Variants in WDR81 observed in about 807,000 individuals in gnomAD.
WDR81 encodes the protein WD repeat domain 81, also known as WD repeat-containing protein 81.
WDR81 carries 92 observed loss-of-function variants against 140.8 expected under a neutral mutation model. That is an observed-to-expected ratio of 0.65 (90% CI 0.55 to 0.78). The LOEUF (loss-of-function observed/expected upper bound fraction) is 0.78. WDR81 is among the 30% of genes least tolerant of loss of function. The pLI is 0.00. For synonymous variants in WDR81, 1,183 were observed against 1,156.4 expected (o/e 1.02, Z -0.47); for missense variants, 2,502 against 2,636.4 (o/e 0.95, Z 1.12).
At position 1,727,442 on chromosome 17, in the gene WDR81, TG is replaced by T. The variant is rs1384719415; in HGVS notation, c.2484del (p.Met828IlefsTer86). The T allele has an allele frequency of 1.9e-6, 3 of 1,550,404 alleles. No homozygotes were observed. The highest frequency in any genetic ancestry group is 2.6e-6 in the Non-Finnish European group (3 of 1,146,988). ...LQPVLDTLLQ[M>X]SGPEVPMGAE... The stretch of plus-strand genomic sequence containing the variant: ...CCCGTGCTGGACACACTCCTGCAGA[TG>T]AGTGGCCCCGAAGTCCCCATGGGAG... On this transcript the variant is annotated frameshift_variant, in exon 1 of 10. Transcript: ENST00000409644. LOFTEE classifies it high-confidence loss of function.
Position 1,735,814 on chromosome 17 carries a change from T to A in WDR81, c.5325+97T>A. On this transcript the variant is annotated intron_variant, in intron 8 of 9. Coordinates refer to ENST00000409644, the MANE Select transcript of WDR81 (RefSeq NM_001163809.2). The surrounding 1 kb of genome is among the most constrained non-coding windows in gnomAD (Gnocchi z 4.2). ...AAAACAGAAAGCCAGGATGTTGTTC[T>A]GGGGCCCTAGTTAGTTTCTCTTTGG... 1 of 1,487,882 alleles carries A rather than the reference T, an allele frequency of 6.7e-7. No homozygotes were observed. 92.2% of individuals were successfully genotyped at this position (1,487,882 alleles called of 1,614,324 possible).
chr17:1,718,120 T>A (rs965845871), intron 1 of WDR81, among the ~76,000 whole-genome samples: 8 of 152,204 alleles, frequency 5.3e-5, no homozygotes, highest in South Asian at 2.1e-4. Context: ...TATTTATTTT[T>A]TTTTTTTCTG....
At position 1,726,215 on chromosome 17, in the gene WDR81, T is replaced by C; in HGVS notation, c.1256T>C (p.Met419Thr). Residue 419 changes from methionine (M) to threonine (T), a missense_variant, in exon 1 of 10, where the codon ATG (methionine) becomes ACG (threonine). This residue lies in a region of WDR81 where 218 missense variants were observed against 279.6 expected (regional missense o/e 0.78). Coordinates refer to ENST00000409644, the MANE Select transcript of WDR81 (RefSeq NM_001163809.2). ...GDKQLDFTYEMTRQAFVAGGA... is the reference protein window; with the variant it reads ...GDKQLDFTYETTRQAFVAGGA... ...AAGCAACTGGACTTCACGTATGAGA[T>C]GACACGGCAGGCATTCGTAGCAGGC... 6.5e-7 allele frequency: 1 copy of C among 1,531,152 alleles called. No homozygotes were observed. The highest frequency in any genetic ancestry group is 2.5e-5 in the East Asian group (1 of 40,572). The allele number at this position is 1,531,152 out of a possible 1,614,324, so 94.8% of individuals were successfully genotyped here. A position where few individuals can be genotyped will look rare whatever the true frequency, so the allele number is the denominator to read the frequency against.
rs1380018665 is a variant in WDR81 at position 1,727,898 on chromosome 17, TCTACCTGTACACGGACTG to T, written c.2942_2959del (p.Tyr981_Cys986del). 1 of 1,550,670 alleles carries T rather than the reference TCTACCTGTACACGGACTG, an allele frequency of 6.4e-7. No homozygotes were observed. Among genetic ancestry groups the T allele is most frequent in the African/African-American group, 1.4e-5 (1 of 73,072 alleles). On this transcript the variant is annotated inframe_deletion, in exon 1 of 10. Coordinates refer to ENST00000409644, the MANE Select transcript of WDR81 (RefSeq NM_001163809.2). ...AGCCCCTGCCAGCTACACGGCCGCT[TCTACCTGTACACGGACTG>T]CTTTGTGGCCCAGCTGATGGTGCGG...
In WDR81 at chr17:1,735,439, A is replaced by G; in HGVS notation, c.5180-133A>G. The G allele has an allele frequency of 9.9e-7, 1 of 1,014,458 alleles. No individual in the cohort carries two copies. Among genetic ancestry groups the G allele is most frequent in the East Asian group, 3.0e-5 (1 of 33,506 alleles). The allele number at this position is 1,014,458 out of a possible 1,614,324, so 62.8% of individuals were successfully genotyped here. A position where few individuals can be genotyped will look rare whatever the true frequency, so the allele number is the denominator to read the frequency against. ...GCGAGACTCCATCTCAAAAAAAGAG[A>G]AACATCTTTAGCATTTTCTAAGGAT... is the stretch of plus-strand genomic sequence containing the variant. On this transcript the variant is annotated intron_variant, in intron 7 of 9. Coordinates refer to ENST00000409644, the MANE Select transcript of WDR81 (RefSeq NM_001163809.2). This position sits in a 1 kb window ranked among gnomAD's most constrained non-coding sequence, Gnocchi z 4.2.
Position 1,727,956 on chromosome 17 carries a change from A to T in WDR81, c.2997A>T (p.Ala999=), listed in dbSNP as rs1458338371. The T allele has an allele frequency of 5.2e-6, 8 of 1,550,216 alleles. No homozygotes were observed. In the East Asian group the frequency reaches 2.0e-4, roughly 38 times the overall value. Residue 999 remains alanine (A), a synonymous_variant, in exon 1 of 10, where the codon GCA becomes GCT. Coordinates refer to ENST00000409644, the MANE Select transcript of WDR81 (RefSeq NM_001163809.2). ...TGATGGTGCGGCTGGGCCTGCAGGC[A>T]TTTCTCACTCACCTGCTGCCCCATG... is the stretch of plus-strand genomic sequence containing the variant. ...AQLMVRLGLQ[A]FLTHLLPHVL...
At position 1,725,639 on chromosome 17, in the gene WDR81, C is replaced by T. The variant is rs1340847517; in HGVS notation, c.680C>T (p.Ser227Leu). ...SLLRAEALLE[S>L]PEMLYVVHPY... ...TTACGGGCTGAGGCCTTGCTGGAGT[C>T]GCCGGAGATGCTGTATGTGGTACAC... The change falls in exon 1 of 10, where the codon TCG becomes TTG. Residue 227 changes from serine to leucine, a missense_variant. By Grantham distance (145) the Ser-to-Leu change is moderately radical. Around this residue, in one of 3 missense-constraint regions of WDR81, gnomAD observed 547 missense variants for 513.8 expected, o/e 1.06. Coordinates refer to ENST00000409644, the MANE Select transcript of WDR81 (RefSeq NM_001163809.2). The T allele has an allele frequency of 6.5e-7, 1 of 1,545,552 alleles. No homozygotes were observed. The highest frequency in any genetic ancestry group is 8.7e-7 in the Non-Finnish European group (1 of 1,146,988).
chr17:1,721,981 G>C (rs1914888835), upstream of WDR81, among the ~76,000 whole-genome samples: 1 of 152,034 alleles, frequency 6.6e-6, no homozygotes, highest in East Asian at 1.9e-4. Flanking sequence ...AAATTAGCCG[G>C]GCATGGTGGC....
rs1394295155 is a variant in WDR81, at chr17:1,725,450, A to G, written c.491A>G (p.His164Arg). ...CACACTTACGGCCAGCCGTACAGTC[A>G]CAGCCCTGCCCCCTCAGCTGTCCCT... The part of the protein sequence containing the change: ...AYHTYGQPYS[H>R]SPAPSAVPAL... Residue 164 changes from histidine (H) to arginine (R), a missense_variant, in exon 1 of 10, where the codon CAC (histidine) becomes CGC (arginine). His to Arg is a conservative substitution (Grantham distance 29). Around this residue, in one of 3 missense-constraint regions of WDR81, gnomAD observed 547 missense variants for 513.8 expected, o/e 1.06. Transcript: ENST00000409644. 1.3e-6 allele frequency: 2 copies of G among 1,549,360 alleles called. No homozygotes were observed. The highest frequency in any genetic ancestry group is 4.9e-5 in the East Asian group (2 of 40,924).
At chr17:1,731,014 T>C in intron 3 of WDR81, 54 bp from the exon 4 acceptor site, 1 of 1,604,742 alleles carries the variant, frequency 6.2e-7, no homozygotes, top group Non-Finnish European at 8.5e-7. Context: ...CGGGCTCTCT[T>C]GGTGCCAGGG....
chr17:1,731,603 C>G (rs1206377544), intron 4 of WDR81, among the ~76,000 whole-genome samples: 1 of 152,022 alleles, frequency 6.6e-6, no homozygotes, highest in African/African-American at 2.4e-5. Flanking sequence ...GAGACCCCCT[C>G]TCTAAAAATA....
Position 1,738,517 on chromosome 17 carries a change from T to C in WDR81, c.*832T>C, listed in dbSNP as rs1385146214. Reference sequence around the variant, plus strand: ...CTAGACAGAGATGAGGTCCAGGGGTTGGCCCCTGCTGCCTTCTCACAATTT... The same window carrying C: ...CTAGACAGAGATGAGGTCCAGGGGTCGGCCCCTGCTGCCTTCTCACAATTT... On this transcript the variant is annotated 3_prime_UTR_variant, in exon 10 of 10. Coordinates refer to ENST00000409644, the MANE Select transcript of WDR81 (RefSeq NM_001163809.2). The C allele has an allele frequency of 6.6e-6, 1 of 152,658 alleles. No homozygotes were observed. The highest frequency in any genetic ancestry group is 1.9e-4 in the East Asian group (1 of 5,208). The allele number at this position is 152,658 out of a possible 1,614,324, so 9.5% of individuals were successfully genotyped here.
rs370886115 is a variant in WDR81, at chr17:1,734,053, G to T, written c.5016G>T (p.Val1672=). ...TGAGCGGCAGCAAGGATCGTACCGT[G>T]CGCCTCTGGCCGCTGTACAACTACG... ...FFLSGSKDRT[V]RLWPLYNYGD... The change falls in exon 7 of 10, where the codon GTG becomes GTT. Residue 1672 remains valine (V), a synonymous_variant. Transcript: ENST00000409644. 6.2e-7 allele frequency: 1 copy of T among 1,608,608 alleles called. No homozygotes were observed. The highest frequency in any genetic ancestry group is 1.7e-5 in the Admixed American group (1 of 60,026).
At chr17:1,724,660 ACGTGCGCTTGTTTC>A, upstream of WDR81, 1 of 1,038,108 alleles carries the variant, frequency 9.6e-7, no homozygotes, top group Middle Eastern at 4.5e-4. Flanking sequence ...CTCTGGAGCC[ACGTGCGCTTGTTTC>A]CGTGCTGGGG....
At chr17:1,716,681 C>G (rs993896495) in intron 1 of WDR81, 1 of 1,544,162 alleles carries the variant, frequency 6.5e-7, no homozygotes, top group Non-Finnish European at 8.8e-7. Flanking sequence ...CCGGGGAAGT[C>G]CTTAAAGGGC....
intron 2 of WDR81, 41 bp downstream of exon 2, chr17:1,730,528 C>T (rs1379585585): frequency 3.8e-6 from 6 of 1,578,988 alleles, no homozygotes; most frequent in South Asian, 2.3e-5. Flanking sequence ...GAGGCTTTCT[C>T]CCAGGCCCTC....
rs373042794 is a variant in WDR81 at position 1,736,224 on chromosome 17, G to T, written c.5505+6G>T. ...GGGACATTCTGCAGATCAAGGTGAC[G>T]GGCCGGGTCTCCCTCCCCTTGCTGC... On this transcript the variant is annotated splice_donor_region_variant and intron_variant, in intron 9 of 9. Transcript: ENST00000409644. 6.3e-7 allele frequency: 1 copy of T among 1,592,894 alleles called. No individual in the cohort carries two copies. The highest frequency in any genetic ancestry group is 1.1e-5 in the South Asian group (1 of 90,530).
chr17:1,726,740 G>A lies in WDR81; in HGVS notation c.1781G>A (p.Gly594Glu), dbSNP rs1000480296. 1.9e-5 allele frequency: 29 copies of A among 1,547,858 alleles called. No individual in the cohort carries two copies. Among genetic ancestry groups the A allele is most frequent in the Non-Finnish European group, 2.4e-5 (28 of 1,146,442 alleles). ...FDQPHPQRLA[G>E]APALAPEPPL... ...CAGCCACACCCCCAGCGCCTGGCTG[G>A]GGCTCCTGCCCTTGCCCCCGAGCCT... Residue 594 changes from glycine to glutamate, a missense_variant, in exon 1 of 10, where the codon GGG becomes GAG. By Grantham distance (98) the Gly-to-Glu change is moderately conservative. Around this residue, in one of 3 missense-constraint regions of WDR81, gnomAD observed 1,737 missense variants for 1,843.0 expected, o/e 0.94. Transcript: ENST00000409644.
At position 1,727,733 on chromosome 17, in the gene WDR81, T is replaced by A; in HGVS notation, c.2774T>A (p.Leu925Gln). 6.4e-7 allele frequency: 1 copy of A among 1,550,666 alleles called. No homozygotes were observed. Residue 925 changes from leucine (L) to glutamine (Q), a missense_variant, in exon 1 of 10, where the codon CTG becomes CAG. Transcript: ENST00000409644. ...DITPEGLEIL[L>Q]PFVLSLMSEE... ...ACCCCTGAGGGCCTGGAGATCCTGC[T>A]GCCCTTCGTGCTCTCACTCATGTCC...
Sources: gnomAD v4.1 joint callset for allele counts (sites outside exome capture counted in the v4.1 genomes callset) on GRCh38, gnomAD v4.1.1 for gene constraint, gnomAD v4.1.1 regional missense constraint, Gnocchi (gnomAD v3.1) non-coding constraint, MANE v1.5 for transcripts, NCBI Gene and HGNC (gene_info 2026-07-23, HGNC 2026-07-21) for gene names.